Variants in DOCK5 observed in about 807,000 individuals in gnomAD.
DOCK5 encodes dedicator of cytokinesis 5.
In DOCK5, 142 loss-of-function variants were observed where a neutral mutation model predicts 251.8. That is an observed-to-expected ratio of 0.56 (90% CI 0.49 to 0.65). The LOEUF (loss-of-function observed/expected upper bound fraction) is 0.65. Among genes scored for constraint, DOCK5 ranks in the 30% least tolerant of loss-of-function variants. DOCK5 has a pLI of 0.00. For missense variants in DOCK5, 2,111 were observed against 2,312.3 expected, an observed-to-expected ratio of 0.91 and a Z score of 1.79; for synonymous variants, 842 against 835.5, an observed-to-expected ratio of 1.01 and a Z score of -0.13.
At position 25,184,925 on chromosome 8, in the gene DOCK5, C is replaced by G; in HGVS notation, c.17C>G (p.Pro6Arg). The G allele has an allele frequency of 6.9e-7, 1 of 1,442,866 alleles. No individual in the cohort carries two copies. The highest frequency in any genetic ancestry group is 9.2e-7 in the Non-Finnish European group (1 of 1,088,150). The allele number at this position is 1,442,866 out of a possible 1,614,324, so 89.4% of individuals were successfully genotyped here. ...GTCGCCGCCATGGCCCGCTGGATCC[C>G]GACCAAGAGGCAGAAGTACGGGGTT... MARWI[P>R]TKRQKYGVAI... The change falls in exon 1 of 52, where the codon CCG becomes CGG. Residue 6 changes from proline to arginine, a missense_variant. Pro to Arg is a moderately radical substitution (Grantham distance 103). Transcript: ENST00000276440.
intron 15 of DOCK5, 143 bp from the exon 16 acceptor site, chr8:25,320,837 C>T (rs541416844): frequency 2.4e-5 from 16 of 656,304 alleles, no homozygotes; most frequent in Middle Eastern, 4.2e-4. Flanking sequence ...AGCTCAGTCT[C>T]CTTTGAATGA....
intron 18 of DOCK5, among the ~76,000 whole-genome samples, chr8:25,329,423 G>A (rs1361793478): frequency 1.3e-5 from 2 of 152,028 alleles, no homozygotes; most frequent in African/African-American, 4.8e-5. Context: ...CAAGTATACA[G>A]TATACAGTAC....
In DOCK5 at chr8:25,372,666, T is replaced by C. The variant is rs1287357718; in HGVS notation, c.3632T>C (p.Ile1211Thr). The C allele has an allele frequency of 6.2e-7, 1 of 1,611,496 alleles. No individual in the cohort carries two copies. Residue 1211 changes from isoleucine (I) to threonine (T), a missense_variant, in exon 35 of 52, where the codon ATC (isoleucine) becomes ACC (threonine). This residue lies in a region of DOCK5 where 1,717 missense variants were observed against 1,892.4 expected (regional missense o/e 0.91). Transcript: ENST00000276440. ...LENLLDYRTI[I>T]MQDESKENRM... ...AACCTGCTGGACTATAGAACCATCA[T>C]CATGCAAGATGAGAGCAAGGAGAAC...
chr8:25,302,664 G>A (rs1238235320), intron 10 of DOCK5, among the ~76,000 whole-genome samples: 3 of 152,196 alleles, frequency 2.0e-5, no homozygotes, highest in Admixed American at 6.5e-5. Context: ...TAACCTAGGT[G>A]CCCATCAGTG....
intron 46 of DOCK5, among the ~76,000 whole-genome samples, chr8:25,400,583 A>G (rs1801422000): frequency 6.6e-6 from 1 of 151,376 alleles, no homozygotes. Context: ...TTTTCTCTCA[A>G]GACTTCAGTG....
Position 25,215,942 on chromosome 8 carries a change from C to T in DOCK5, c.44-27732C>T, listed in dbSNP as rs957997036. ...AATCCTGGAAATAAATACACACACACACACACACACACACACACACACACA... is the reference window on the plus strand; with the variant it reads ...AATCCTGGAAATAAATACACACACATACACACACACACACACACACACACA... On this transcript the variant is annotated intron_variant, in intron 1 of 51. Coordinates refer to ENST00000276440, the MANE Select transcript of DOCK5 (RefSeq NM_024940.8). Among the ~76,000 whole-genome samples the T allele has an allele frequency of 2.7e-3, 386 of 141,034 alleles. 2 individuals are homozygous for T. The highest frequency in any genetic ancestry group is 6.7e-3 in the African/African-American group (254 of 37,782). 92.5% of individuals were successfully genotyped at this position (141,034 alleles called of 152,430 possible).
At chr8:25,269,364 A>G (rs1023630038) in intron 3 of DOCK5, among the ~76,000 whole-genome samples, 1 of 152,250 alleles carries the variant, frequency 6.6e-6, no homozygotes, top group Non-Finnish European at 1.5e-5. Context: ...TGAAATCAAT[A>G]TGGTGGATTA....
At chr8:25,190,036 G>A (rs1415345184) in intron 1 of DOCK5, among the ~76,000 whole-genome samples, 1 of 152,116 alleles carries the variant, frequency 6.6e-6, no homozygotes, top group Admixed American at 6.5e-5. Context: ...ACAGGCGCAC[G>A]CCACCACGCC....
At chr8:25,227,529 G>A (rs759454467) in intron 1 of DOCK5, among the ~76,000 whole-genome samples, 6 of 151,954 alleles carry the variant, frequency 3.9e-5, no homozygotes, top group Non-Finnish European at 7.4e-5. Flanking sequence ...ATTGCTTTGG[G>A]TATGTAAACC....
intron 51 of DOCK5, among the ~76,000 whole-genome samples, 193 bp from the exon 52 acceptor site, chr8:25,411,001 A>T (rs1419769900): frequency 9.9e-6 from 1 of 100,674 alleles, no homozygotes; most frequent in African/African-American, 3.8e-5. Context: ...GCACGCACGC[A>T]CGCGTGTGTC....
In DOCK5 at chr8:25,337,905, A is replaced by G. The variant is rs572163437; in HGVS notation, c.2327+1532A>G. ...TGGCCCGATACATTCTTAAATGATA[A>G]AACAAAGGTATTAAGCATGAGTACA... On this transcript the variant is annotated intron_variant, in intron 22 of 51. Coordinates refer to ENST00000276440, the MANE Select transcript of DOCK5 (RefSeq NM_024940.8). 8.7e-4 allele frequency among the ~76,000 whole-genome samples: 133 copies of G among 152,190 alleles called. 4 individuals are homozygous for G. In the South Asian group the frequency reaches 0.027, roughly 31 times the overall value.
In DOCK5 at chr8:25,399,928, G is replaced by C. The variant is rs1453188583; in HGVS notation, c.4722G>C (p.Lys1574Asn). The C allele has an allele frequency of 1.2e-6, 2 of 1,613,188 alleles. No individual in the cohort carries two copies. Among genetic ancestry groups the C allele is most frequent in the African/African-American group, 2.7e-5 (2 of 74,890 alleles). ...SNYEKAFFTE[K>N]YLQEHPEDQE... Reference sequence around the variant, plus strand: ...TTTTTTAGGCTTTTTTTACAGAAAAGTACTTGCAGGAGCATCCTGAAGACC... The same window carrying C: ...TTTTTTAGGCTTTTTTTACAGAAAACTACTTGCAGGAGCATCCTGAAGACC... Residue 1574 changes from lysine (K) to asparagine (N), a missense_variant, in exon 46 of 52, where the codon AAG (lysine) becomes AAC (asparagine). Around this residue, in one of 3 missense-constraint regions of DOCK5, gnomAD observed 1,717 missense variants for 1,892.4 expected, o/e 0.91. Coordinates refer to ENST00000276440, the MANE Select transcript of DOCK5 (RefSeq NM_024940.8).
chr8:25,387,662 C>A (rs183805982), intron 40 of DOCK5, among the ~76,000 whole-genome samples: 1 of 152,222 alleles, frequency 6.6e-6, no homozygotes, highest in Non-Finnish European at 1.5e-5. Context: ...GCCTGCCATG[C>A]GAGACCATTC....
chr8:25,319,583 A>C lies in DOCK5; in HGVS notation c.1449A>C (p.Ala483=). The C allele has an allele frequency of 6.3e-7, 1 of 1,575,786 alleles. No individual in the cohort carries two copies. Among genetic ancestry groups the C allele is most frequent in the Non-Finnish European group, 8.6e-7 (1 of 1,159,798 alleles). ...HDEEGKLLEK[A]IHPGAGYEGI... ...TTTTTTCCTTCCATCTGAAGAAAGC[A>C]ATTCACCCTGGTGCTGGATATGAAG... Residue 483 remains alanine (A), a synonymous_variant, in exon 15 of 52, where the codon GCA becomes GCC. Transcript: ENST00000276440.
At chr8:25,381,292 C>G (rs1243194778) in intron 39 of DOCK5, among the ~76,000 whole-genome samples, 1 of 152,184 alleles carries the variant, frequency 6.6e-6, no homozygotes, top group African/African-American at 2.4e-5. Context: ...TGTGCTATTA[C>G]CAGCCCCTGG....
At chr8:25,220,490 G>A (rs1802355939) in intron 1 of DOCK5, among the ~76,000 whole-genome samples, 1 of 152,152 alleles carries the variant, frequency 6.6e-6, no homozygotes. Context: ...CACACCTGCT[G>A]CTAGGGCTCT....
At chr8:25,299,819 AAGAT>A (rs1184168642) in intron 8 of DOCK5, among the ~76,000 whole-genome samples, 1 of 152,188 alleles carries the variant, frequency 6.6e-6, no homozygotes, top group Non-Finnish European at 1.5e-5. Flanking sequence ...TATTTTTGAG[AAGAT>A]AGTTAAAAGT....
chr8:25,281,097 A>G (rs910065180), intron 5 of DOCK5, among the ~76,000 whole-genome samples: 2 of 151,932 alleles, frequency 1.3e-5, no homozygotes, highest in East Asian at 3.9e-4. Context: ...TCCACAAGTA[A>G]TTGTGCCAGG....
Position 25,358,960 on chromosome 8 carries a change from CA to C in DOCK5, c.2851-2del. The stretch of plus-strand genomic sequence containing the variant: ...TGGATTTGTGCTTTCCTTTTCCTTC[CA>C]GGGGAGTTTTGTGGCTTGCATGATT... On this transcript the variant is annotated splice_acceptor_variant, in intron 27 of 51. Coordinates refer to ENST00000276440, the MANE Select transcript of DOCK5 (RefSeq NM_024940.8). LOFTEE classifies it high-confidence loss of function. 1 of 1,613,446 alleles carries C rather than the reference CA, an allele frequency of 6.2e-7. No individual in the cohort carries two copies. The highest frequency in any genetic ancestry group is 1.3e-5 in the African/African-American group (1 of 75,016).
Sources: gnomAD v4.1 joint callset for allele counts (sites outside exome capture counted in the v4.1 genomes callset) on GRCh38, gnomAD v4.1.1 for gene constraint, gnomAD v4.1.1 regional missense constraint, MANE v1.5 for transcripts, NCBI Gene and HGNC (gene_info 2026-07-23, HGNC 2026-07-21) for gene names.